The following RAPGEF1 variants were observed in gnomAD, a reference collection of about 807,000 sequenced individuals.
RAPGEF1 encodes the protein Rap guanine nucleotide exchange factor 1.
A neutral mutation model predicts 143.3 loss-of-function variants in RAPGEF1; 33 were observed. The observed-to-expected ratio is 0.23, with a 90% CI of 0.17 to 0.31. The LOEUF (loss-of-function observed/expected upper bound fraction) is 0.31, where lower values mean the gene tolerates loss of function less well. Ranked by LOEUF, RAPGEF1 falls within the 10% of genes least tolerant of loss-of-function variation. The pLI, the probability that RAPGEF1 is intolerant of heterozygous loss-of-function variation, is 1.00. For synonymous variants in RAPGEF1, 629 were observed against 676.5 expected (o/e 0.93, Z 1.09); for missense variants, 1,199 against 1,645.4 (o/e 0.73, Z 4.69).
At position 131,641,719 on chromosome 9, in the gene RAPGEF1, G is replaced by A. The variant is rs1015817310; in HGVS notation, c.494+1520C>T. Among the ~76,000 whole-genome samples, 3 of 152,156 alleles carry A rather than the reference G, an allele frequency of 2.0e-5. No homozygotes were observed. Among genetic ancestry groups the A allele is most frequent in the South Asian group, 2.1e-4 (1 of 4,830 alleles). Reference sequence around the variant, plus strand: ...CATGCGCTCCTAGGAGCCCAGCACCGAACACTTCTAAGAGCCGGAGCTGGA... The same window carrying A: ...CATGCGCTCCTAGGAGCCCAGCACCAAACACTTCTAAGAGCCGGAGCTGGA... On this transcript the variant is annotated intron_variant, in intron 4 of 26. Transcript: ENST00000683357. The surrounding 1 kb of genome is among the most constrained non-coding windows in gnomAD (Gnocchi z 4.6).
At chr9:131,587,886 G>A (rs1953441816) in intron 21 of RAPGEF1, 56 bp from the exon 22 acceptor site, 3 of 1,598,322 alleles carry the variant, frequency 1.9e-6, no homozygotes, top group Non-Finnish European at 2.6e-6. Context: ...CCTGATGGGG[G>A]TTTCTCTCAT....
At chr9:131,615,358 G>A (rs184326749) in intron 12 of RAPGEF1, among the ~76,000 whole-genome samples, 8 of 152,340 alleles carry the variant, frequency 5.3e-5, no homozygotes, top group Admixed American at 3.3e-4. Context: ...GCAGGCGTGA[G>A]CCACTGCACC....
chr9:131,698,767 G>A (rs1834395292), intron 1 of RAPGEF1, among the ~76,000 whole-genome samples: 1 of 152,220 alleles, frequency 6.6e-6, no homozygotes, highest in Admixed American at 6.5e-5. Flanking sequence ...GGGACCCTGG[G>A]CTAGCCTGCT....
intron 17 of RAPGEF1, among the ~76,000 whole-genome samples, chr9:131,595,900 G>A (rs143493963): frequency 2.4e-4 from 36 of 152,278 alleles, no homozygotes; most frequent in East Asian, 1.3e-3. Flanking sequence ...AGTGAAGTCC[G>A]GTCTAATGGT....
chr9:131,652,690 T>C (rs76394509), intron 1 of RAPGEF1, among the ~76,000 whole-genome samples: 14,777 of 152,174 alleles, frequency 0.097, 835 homozygotes, highest in Middle Eastern at 0.28. Flanking sequence ...AGCTGTCATC[T>C]CCTATGATAA....
At chr9:131,635,529 C>T (rs1175505604) in intron 5 of RAPGEF1, among the ~76,000 whole-genome samples, 1 of 152,242 alleles carries the variant, frequency 6.6e-6, no homozygotes, top group Admixed American at 6.5e-5. Context: ...ACAACATCCT[C>T]ATGAGTGCAT....
rs758744196 is a variant in RAPGEF1 at position 131,579,512 on chromosome 9, C to T, written c.3777G>A (p.Arg1259=). 5.6e-6 allele frequency: 9 copies of T among 1,613,994 alleles called. No individual in the cohort carries two copies. The highest frequency in any genetic ancestry group is 1.7e-4 in the Middle Eastern group (1 of 6,060). Residue 1259 remains arginine (R), a synonymous_variant, in exon 27 of 27, where the codon CGG becomes CGA. Transcript: ENST00000683357. Reference sequence around the variant, plus strand: ...GCGTCTGCTCCTAGGTCTTCTCTTCCCGGTCTGTTTTTCTCCTTGTTATGT... The same window carrying T: ...GCGTCTGCTCCTAGGTCTTCTCTTCTCGGTCTGTTTTTCTCCTTGTTATGT... ...PRNITRRKTD[R]EEKT
intron 1 of RAPGEF1, among the ~76,000 whole-genome samples, chr9:131,738,625 A>G (rs1837566324): frequency 6.6e-6 from 1 of 152,226 alleles, no homozygotes; most frequent in Admixed American, 6.5e-5. Context: ...CTGAGCCTGT[A>G]AAACTGGGAC....
chr9:131,588,778 G>T, intron 20 of RAPGEF1, 23 bp downstream of exon 20: 1 of 1,599,536 alleles, frequency 6.3e-7, no homozygotes, highest in East Asian at 2.2e-5. Context: ...GAAGAGGCAG[G>T]GCTGGAGAGG....
At chr9:131,721,181 A>G (rs1020532938) in intron 1 of RAPGEF1, among the ~76,000 whole-genome samples, 3 of 152,192 alleles carry the variant, frequency 2.0e-5, no homozygotes, top group African/African-American at 7.2e-5. Context: ...GACCCTCTCC[A>G]GTGCGAATTT....
In RAPGEF1 at chr9:131,586,667, CA is replaced by C. The variant is rs1487524323; in HGVS notation, c.3233+1068del. 3.8e-4 allele frequency among the ~76,000 whole-genome samples: 50 copies of C among 132,978 alleles called. 4 individuals carry two copies. Among genetic ancestry groups the C allele is most frequent in the Admixed American group, 8.0e-4 (11 of 13,734 alleles). The allele number at this position is 132,978 out of a possible 152,430, so 87.2% of individuals were successfully genotyped here. A position where few individuals can be genotyped will look rare whatever the true frequency, so the allele number is the denominator to read the frequency against. ...CGTCTCAAACACACACACACACACA[CA>C]CCCCTGCAGAGTGAGACTCCGTCTC... is the stretch of plus-strand genomic sequence containing the variant. On this transcript the variant is annotated intron_variant, in intron 22 of 26. Transcript: ENST00000683357.
intron 12 of RAPGEF1, among the ~76,000 whole-genome samples, chr9:131,614,191 T>C (rs971710659): frequency 2.0e-5 from 3 of 152,016 alleles, no homozygotes; most frequent in Non-Finnish European, 4.4e-5. Context: ...CACCCCCGGC[T>C]ACCGGGTTCT....
intron 1 of RAPGEF1, among the ~76,000 whole-genome samples, chr9:131,698,884 G>A (rs1189719955): frequency 2.6e-5 from 4 of 152,218 alleles, no homozygotes; most frequent in Admixed American, 6.5e-5. Context: ...CTGCAGAAGT[G>A]TAAACTAGGT....
intron 1 of RAPGEF1, among the ~76,000 whole-genome samples, chr9:131,733,699 G>A (rs1837238705): frequency 6.6e-6 from 1 of 152,200 alleles, no homozygotes; most frequent in Non-Finnish European, 1.5e-5. Flanking sequence ...TGGGGCAGGC[G>A]GTGGGTTGTC....
intron 26 of RAPGEF1, 46 bp downstream of exon 26, chr9:131,580,217 C>T (rs1427444606): frequency 3.7e-6 from 6 of 1,606,326 alleles, no homozygotes; most frequent in East Asian, 4.5e-5. Context: ...TTGTGTGTGG[C>T]CCGGGGCTCA....
At chr9:131,588,358 A>G (rs552232625) in intron 20 of RAPGEF1, among the ~76,000 whole-genome samples, 179 of 152,350 alleles carry the variant, frequency 1.2e-3, no homozygotes, top group Non-Finnish European at 1.9e-3. Context: ...CCAGGTGGCC[A>G]GCAAGAACAG....
At chr9:131,729,282 T>C (rs1836867579) in intron 1 of RAPGEF1, among the ~76,000 whole-genome samples, 1 of 123,538 alleles carries the variant, frequency 8.1e-6, no homozygotes, top group African/African-American at 3.1e-5. Flanking sequence ...CACTGACGCC[T>C]CAGCCCTCTC....
chr9:131,675,371 C>T lies in RAPGEF1; in HGVS notation c.62-24422G>A, dbSNP rs1423711659. 6.6e-6 allele frequency among the ~76,000 whole-genome samples: 1 copy of T among 152,166 alleles called. No homozygotes were observed. The highest frequency in any genetic ancestry group is 1.5e-5 in the Non-Finnish European group (1 of 68,030). On this transcript the variant is annotated intron_variant, in intron 1 of 26. Transcript: ENST00000683357. This position sits in a 1 kb window ranked among gnomAD's most constrained non-coding sequence, Gnocchi z 4.6. ...AGGAGGGCTCTGCGGGAGCAGGGAGCCCGGCAGCTTCCTGCGGGTGCCGGG... is the reference window on the plus strand; with the variant it reads ...AGGAGGGCTCTGCGGGAGCAGGGAGTCCGGCAGCTTCCTGCGGGTGCCGGG...
At position 131,626,419 on chromosome 9, in the gene RAPGEF1, T is replaced by C. The variant is rs1257371749; in HGVS notation, c.1205A>G (p.His402Arg). ...SRNTSCETLD[H>R]YDPDYEFLQQ... ...GAGGAATTCATAGTCGGGATCATAG[T>C]GGTCTGCAGTTACAACAGGGGAAAA... Residue 402 changes from histidine (H) to arginine (R), a missense_variant, in exon 10 of 27, where the codon CAC becomes CGC. This residue lies in a region of RAPGEF1 where 613 missense variants were observed against 710.9 expected (regional missense o/e 0.86). Transcript: ENST00000683357. The C allele has an allele frequency of 1.9e-6, 3 of 1,581,460 alleles. No individual in the cohort carries two copies. Among genetic ancestry groups the C allele is most frequent in the South Asian group, 1.1e-5 (1 of 88,260 alleles).
Sources: allele counts gnomAD v4.1 joint callset (sites outside exome capture counted in the v4.1 genomes callset), GRCh38; gene constraint gnomAD v4.1.1; regional missense constraint gnomAD v4.1.1; non-coding constraint Gnocchi (gnomAD v3.1); transcripts MANE v1.5; gene names NCBI Gene and HGNC (gene_info 2026-07-23, HGNC 2026-07-21).